VLDLR: variants seen among roughly 807,000 people sequenced by gnomAD.
VLDLR encodes very low-density lipoprotein receptor.
Under a neutral mutation model 112.7 loss-of-function variants are expected in VLDLR, and 81 were observed. The ratio of observed to expected loss-of-function variants is 0.72; its 90% confidence interval spans 0.60 to 0.86. The LOEUF (loss-of-function observed/expected upper bound fraction) is 0.86, where lower values mean the gene tolerates loss of function less well. Ranked by LOEUF, VLDLR falls within the 40% of genes least tolerant of loss-of-function variation. The pLI, the probability that VLDLR is intolerant of heterozygous loss-of-function variation, is 0.00. For missense variants in VLDLR, 1,237 were observed against 1,099.4 expected (o/e 1.13, Z -1.77); for synonymous variants, 436 against 384.8 (o/e 1.13, Z -1.56).
chr9:2,651,426 A>C lies in VLDLR; in HGVS notation c.2263A>C (p.Thr755Pro), dbSNP rs112189006. 5.6e-6 allele frequency: 9 copies of C among 1,613,870 alleles called. No homozygotes were observed. In the African/African-American group the frequency reaches 9.3e-5, roughly 17 times the overall value. Reference sequence around the variant, plus strand: ...TTTTTATAATTCAGGTACTGCAACTACTGTGACTTACAGTGAGACAAAAGA... The same window carrying C: ...TTTTTATAATTCAGGTACTGCAACTCCTGTGACTTACAGTGAGACAAAAGA... Reference protein sequence around the residue: ...NGRDCQSTATTVTYSETKDTN... With the variant: ...NGRDCQSTATPVTYSETKDTN... The change falls in exon 16 of 19, where the codon ACT becomes CCT. Residue 755 changes from threonine to proline, a missense_variant. Thr to Pro is a conservative substitution (Grantham distance 38, BLOSUM62 -1). Coordinates refer to ENST00000382100, the MANE Select transcript of VLDLR (RefSeq NM_003383.5).
Position 2,638,633 on chromosome 9 carries a change from C to T in VLDLR, c.203-1226C>T, listed in dbSNP as rs184126353. ...TCATGGGTAGGATAATCAAGCTGCC[C>T]GATTTGCTTAGGACAGTCCTGGTTT... On this transcript the variant is annotated intron_variant, in intron 2 of 18. Coordinates refer to ENST00000382100, the MANE Select transcript of VLDLR (RefSeq NM_003383.5). Among the ~76,000 whole-genome samples the T allele has an allele frequency of 6.6e-5, 10 of 152,222 alleles. No individual in the cohort carries two copies. The East Asian group carries it at 7.8e-4, about 12-fold the overall frequency.
At chr9:2,642,408 G>C (rs1586649220) in intron 4 of VLDLR, among the ~76,000 whole-genome samples, 2 of 152,144 alleles carry the variant, frequency 1.3e-5, no homozygotes, top group African/African-American at 4.8e-5. Context: ...TCCTAGAATT[G>C]GGTTTTCTGT....
At chr9:2,646,692 C>A (rs1039997491) in intron 11 of VLDLR, 140 bp downstream of exon 11, 10 of 923,408 alleles carry the variant, frequency 1.1e-5, no homozygotes, top group Non-Finnish European at 1.4e-5. Context: ...TTTAAGATAT[C>A]AGTTTTGCCC....
At position 2,653,784 on chromosome 9, in the gene VLDLR, C is replaced by T. The variant is rs1361461773; in HGVS notation, c.2587-49C>T. 5.0e-6 allele frequency: 8 copies of T among 1,608,564 alleles called. No homozygotes were observed. The Admixed American group carries it at 1.2e-4, about 23-fold the overall frequency. On this transcript the variant is annotated intron_variant, in intron 18 of 18. Transcript: ENST00000382100. ...GGTCCATTTTAAAGACTAGAGTTGC[C>T]ATCAGTGAGTGATCACCAAGCTCAT...
chr9:2,624,052 C>G (rs763491405), intron 1 of VLDLR, among the ~76,000 whole-genome samples: 5 of 152,148 alleles, frequency 3.3e-5, no homozygotes, highest in Admixed American at 6.5e-5. Context: ...TGCTGCATGT[C>G]CCTTCCACTA....
At chr9:2,642,776 T>A (rs1817883306) in intron 4 of VLDLR, among the ~76,000 whole-genome samples, 2 of 152,222 alleles carry the variant, frequency 1.3e-5, no homozygotes, top group African/African-American at 4.8e-5. Flanking sequence ...TTGCATGATA[T>A]TCTCAACTAG....
rs1351354790 is a variant in VLDLR, at chr9:2,657,152, T to C, written c.*3284T>C. On this transcript the variant is annotated 3_prime_UTR_variant, in exon 19 of 19. Transcript: ENST00000382100. ...TTAAAGTCTACCTTTTAACAATCTT[T>C]ACCCCAAACCTAAAGATTCTAGGGG... 6.6e-6 allele frequency: 1 copy of C among 152,076 alleles called. No individual in the cohort carries two copies. The highest frequency in any genetic ancestry group is 2.4e-5 in the African/African-American group (1 of 41,408). The allele number at this position is 152,076 out of a possible 1,614,324, so 9.4% of individuals were successfully genotyped here. A position where few individuals can be genotyped will look rare whatever the true frequency, so the allele number is the denominator to read the frequency against.
In VLDLR at chr9:2,623,622, C is replaced by T. The variant is rs555901213; in HGVS notation, c.82+1351C>T. ...TCCGGAGCGTGTGAACTGGGACTGG[C>T]CTTTCCGCCCTCTGCGATTGGTTAG... On this transcript the variant is annotated intron_variant, in intron 1 of 18. Coordinates refer to ENST00000382100, the MANE Select transcript of VLDLR (RefSeq NM_003383.5). Among the ~76,000 whole-genome samples the T allele has an allele frequency of 2.6e-5, 4 of 152,358 alleles. No individual in the cohort carries two copies. The South Asian group carries it at 6.2e-4, about 24-fold the overall frequency.
intron 1 of VLDLR, among the ~76,000 whole-genome samples, chr9:2,630,218 C>T (rs796168889): frequency 2.7e-4 from 41 of 152,256 alleles, no homozygotes; most frequent in African/African-American, 9.1e-4. Context: ...AACCCTTCTC[C>T]CCTTAGGAAA....
intron 1 of VLDLR, among the ~76,000 whole-genome samples, chr9:2,631,947 C>A (rs1024131961): frequency 6.6e-6 from 1 of 152,112 alleles, no homozygotes; most frequent in African/African-American, 2.4e-5. Context: ...AGAAGCAAGG[C>A]TCCCAGGAAA....
At chr9:2,651,344 CT>C in intron 15 of VLDLR, 70 bp from the exon 16 acceptor site, 1 of 1,360,264 alleles carries the variant, frequency 7.4e-7, no homozygotes, top group Non-Finnish European at 1.0e-6. Flanking sequence ...TTTTACATGG[CT>C]TGTCTGGACA....
At chr9:2,626,248 A>G (rs1041760152) in intron 1 of VLDLR, among the ~76,000 whole-genome samples, 1 of 152,232 alleles carries the variant, frequency 6.6e-6, no homozygotes, top group African/African-American at 2.4e-5. Flanking sequence ...AAATTCGTTT[A>G]TATTTCACAT....
chr9:2,653,768 T>G, intron 18 of VLDLR, 65 bp from the exon 19 acceptor site: 1 of 1,589,556 alleles, frequency 6.3e-7, no homozygotes, highest in Non-Finnish European at 8.6e-7. Context: ...AGGTCCATTT[T>G]AAAGACTAGA....
At chr9:2,634,001 A>G (rs1479081427) in intron 1 of VLDLR, among the ~76,000 whole-genome samples, 1 of 152,186 alleles carries the variant, frequency 6.6e-6, no homozygotes, top group African/African-American at 2.4e-5. Context: ...GAAGAATGAA[A>G]AAGTATTATG....
At chr9:2,653,068 A>C (rs1818425765) in intron 18 of VLDLR, 119 bp downstream of exon 18, 2 of 1,310,296 alleles carry the variant, frequency 1.5e-6, no homozygotes, top group Non-Finnish European at 2.2e-6. Flanking sequence ...TTCATCTGCT[A>C]CCTGGCTATT....
chr9:2,647,442 C>G, intron 11 of VLDLR, 32 bp from the exon 12 acceptor site: 2 of 1,587,278 alleles, frequency 1.3e-6, no homozygotes, highest in Non-Finnish European at 8.7e-7. Flanking sequence ...TTCTAAACCA[C>G]TGAGGCTTAT....
At chr9:2,627,215 CT>C (rs771170205) in intron 1 of VLDLR, among the ~76,000 whole-genome samples, 12 of 152,198 alleles carry the variant, frequency 7.9e-5, no homozygotes, top group Non-Finnish European at 1.5e-4. Flanking sequence ...CTGGAGATTT[CT>C]GGAATTTCCA....
chr9:2,622,715 C>CG (rs1477015605), intron 1 of VLDLR, among the ~76,000 whole-genome samples: 2 of 152,154 alleles, frequency 1.3e-5, no homozygotes, highest in Non-Finnish European at 1.5e-5. Context: ...CGGGAGCGGA[C>CG]GGGGGGAGAA....
intron 1 of VLDLR, among the ~76,000 whole-genome samples, chr9:2,624,500 G>C (rs1161108318): frequency 1.3e-5 from 2 of 152,214 alleles, no homozygotes; most frequent in Non-Finnish European, 2.9e-5. Context: ...ACAATTCCTG[G>C]GGGTTCTGGG....
Sources: gnomAD v4.1 joint callset for allele counts (sites outside exome capture counted in the v4.1 genomes callset) on GRCh38, gnomAD v4.1.1 for gene constraint, MANE v1.5 for transcripts, NCBI Gene and HGNC (gene_info 2026-07-23, HGNC 2026-07-21) for gene names.